Variants in ANKIB1 observed in about 807,000 individuals in gnomAD.
ANKIB1 encodes ankyrin repeat and IBR domain-containing protein 1.
Under a neutral mutation model 122.1 loss-of-function variants are expected in ANKIB1, and 43 were observed. That is an observed-to-expected ratio of 0.35 (90% CI 0.28 to 0.45). ANKIB1 has a LOEUF of 0.45. Ranked by LOEUF, ANKIB1 falls within the 20% of genes least tolerant of loss-of-function variation. The pLI is 1.00. For synonymous variants in ANKIB1, 390 were observed against 442.0 expected (o/e 0.88, Z 1.48); for missense variants, 992 against 1,329.5 (o/e 0.75, Z 3.95).
At chr7:92,326,328 T>C (rs1803026919) in intron 4 of ANKIB1, among the ~76,000 whole-genome samples, 1 of 152,196 alleles carries the variant, frequency 6.6e-6, no homozygotes, top group Admixed American at 6.5e-5. Context: ...AATTTTCCCC[T>C]ATAAGTTACT....
intron 11 of ANKIB1, among the ~76,000 whole-genome samples, chr7:92,378,429 A>T (rs1804435666): frequency 6.6e-6 from 1 of 151,392 alleles, no homozygotes; most frequent in East Asian, 1.9e-4. Context: ...TTATTGGTAT[A>T]TCCAAGGGGA....
intron 3 of ANKIB1, among the ~76,000 whole-genome samples, chr7:92,309,942 A>AAAAAAAAAAAAAAAATATAT (rs1335765681): frequency 3.3e-5 from 3 of 91,786 alleles, no homozygotes; most frequent in Middle Eastern, 5.2e-3. Context: ...AAAAAAAAAA[A>AAAAAAAAAAAAAAAATATAT]ATATATATAT....
intron 11 of ANKIB1, among the ~76,000 whole-genome samples, chr7:92,380,423 C>T (rs1288837451): frequency 1.3e-5 from 2 of 152,134 alleles, no homozygotes; most frequent in South Asian, 4.1e-4. Flanking sequence ...ACGGACAGAC[C>T]ACCTCCTCAA....
chr7:92,303,994 T>C (rs868231416), intron 2 of ANKIB1, among the ~76,000 whole-genome samples: 6 of 152,018 alleles, frequency 3.9e-5, no homozygotes, highest in African/African-American at 1.4e-4. Flanking sequence ...TTTCCCCAGG[T>C]TAATGTTTTC....
chr7:92,260,950 C>G (rs938220893), intron 1 of ANKIB1, among the ~76,000 whole-genome samples: 1 of 152,150 alleles, frequency 6.6e-6, no homozygotes, highest in African/African-American at 2.4e-5. Context: ...TGAAAAAATC[C>G]TGTAACTCTA....
chr7:92,255,513 A>G (rs1268400593), intron 1 of ANKIB1, among the ~76,000 whole-genome samples: 6 of 152,164 alleles, frequency 3.9e-5, no homozygotes, highest in Non-Finnish European at 8.8e-5. Flanking sequence ...ACTGAGCAGT[A>G]GTTTCGTTAT....
intron 4 of ANKIB1, among the ~76,000 whole-genome samples, chr7:92,325,208 G>A (rs1287487517): frequency 2.0e-5 from 3 of 152,174 alleles, no homozygotes; most frequent in Non-Finnish European, 4.4e-5. Flanking sequence ...CCCATCTAAA[G>A]AATCATCCTT....
intron 18 of ANKIB1, among the ~76,000 whole-genome samples, chr7:92,397,443 G>A (rs951997306): frequency 6.6e-6 from 1 of 150,384 alleles, no homozygotes; most frequent in Non-Finnish European, 1.5e-5. Flanking sequence ...CCAAGATTGC[G>A]CCACTGCACT....
At chr7:92,314,522 C>G (rs1408559684) in intron 3 of ANKIB1, among the ~76,000 whole-genome samples, 1 of 152,132 alleles carries the variant, frequency 6.6e-6, no homozygotes. Flanking sequence ...CCATCCAAGA[C>G]CAACCAAATT....
intron 5 of ANKIB1, among the ~76,000 whole-genome samples, chr7:92,329,886 A>G (rs1803126352): frequency 6.6e-6 from 1 of 152,110 alleles, no homozygotes. Context: ...CTCCAGTTTT[A>G]CCATTCTTCT....
intron 9 of ANKIB1, among the ~76,000 whole-genome samples, chr7:92,358,950 A>G (rs1455954021): frequency 2.6e-5 from 4 of 152,180 alleles, no homozygotes; most frequent in African/African-American, 4.8e-5. Context: ...GATCTATGGC[A>G]TATTTCTTAC....
chr7:92,265,043 A>G (rs544053274), intron 1 of ANKIB1, among the ~76,000 whole-genome samples: 17 of 152,316 alleles, frequency 1.1e-4, no homozygotes, highest in African/African-American at 3.8e-4. Context: ...TGGTGCTATC[A>G]TATCTCACTA....
intron 7 of ANKIB1, 51 bp from the exon 8 acceptor site, chr7:92,350,899 G>T: frequency 6.6e-7 from 1 of 1,508,726 alleles, no homozygotes; most frequent in Non-Finnish European, 8.9e-7. Flanking sequence ...TAGAATGTAT[G>T]CACAACTTAA....
intron 5 of ANKIB1, among the ~76,000 whole-genome samples, chr7:92,329,705 A>G (rs1803121285): frequency 6.6e-6 from 1 of 152,190 alleles, no homozygotes; most frequent in South Asian, 2.1e-4. Flanking sequence ...CAGAAACTTG[A>G]AAGTCATATT....
intron 2 of ANKIB1, among the ~76,000 whole-genome samples, chr7:92,306,974 T>G (rs1214364855): frequency 1.3e-5 from 2 of 152,196 alleles, no homozygotes; most frequent in Non-Finnish European, 2.9e-5. Context: ...TAAAAATTAG[T>G]GTGGAATGCT....
intron 4 of ANKIB1, 55 bp downstream of exon 4, chr7:92,319,567 G>A: frequency 6.5e-7 from 1 of 1,531,532 alleles, no homozygotes; most frequent in East Asian, 2.3e-5. Flanking sequence ...TAGATTTTAT[G>A]TTGTTTTGTA....
At position 92,344,495 on chromosome 7, in the gene ANKIB1, G is replaced by A. The variant is rs563617341; in HGVS notation, c.997-483G>A. On this transcript the variant is annotated intron_variant, in intron 6 of 19. Coordinates refer to ENST00000265742, the MANE Select transcript of ANKIB1 (RefSeq NM_019004.2). ...GCTGGGATTACAGGTGTGAGCCACC[G>A]CGCCCGGCCTAATACTTAGTTTTAT... Among the ~76,000 whole-genome samples the A allele has an allele frequency of 5.9e-5, 9 of 152,084 alleles. No homozygotes were observed. In the East Asian group the frequency reaches 7.7e-4, roughly 13 times the overall value.
intron 10 of ANKIB1, among the ~76,000 whole-genome samples, chr7:92,363,479 G>A (rs1288117596): frequency 6.6e-6 from 1 of 152,190 alleles, no homozygotes; most frequent in Non-Finnish European, 1.5e-5. Context: ...AGACTTCAGG[G>A]CATGCAGAGG....
intron 3 of ANKIB1, among the ~76,000 whole-genome samples, chr7:92,309,942 A>AAAAAAAAATATAT (rs1335765681): frequency 1.1e-5 from 1 of 91,788 alleles, no homozygotes; most frequent in African/African-American, 4.8e-5. Context: ...AAAAAAAAAA[A>AAAAAAAAATATAT]ATATATATAT....
Sources: allele counts gnomAD v4.1 joint callset (sites outside exome capture counted in the v4.1 genomes callset), GRCh38; gene constraint gnomAD v4.1.1; transcripts MANE v1.5; gene names NCBI Gene and HGNC (gene_info 2026-07-23, HGNC 2026-07-21).